Variants in DACT3 observed in about 807,000 individuals in gnomAD.
The protein encoded by DACT3 is dishevelled binding antagonist of beta catenin 3.
In DACT3, 5 loss-of-function variants were observed where a neutral mutation model predicts 19.6. The observed-to-expected ratio is 0.26, with a 90% CI of 0.13 to 0.54. The LOEUF is 0.54. Ranked by LOEUF, DACT3 falls within the 20% of genes least tolerant of loss-of-function variation. DACT3 has a pLI of 0.95. For missense variants in DACT3, 908 were observed against 927.4 expected (o/e 0.98, Z 0.27); for synonymous variants, 454 against 428.1 (o/e 1.06, Z -0.75).
intron 1 of DACT3, among the ~76,000 whole-genome samples, chr19:46,658,422 CATAA>C (rs2053048349): frequency 6.6e-6 from 1 of 152,120 alleles, no homozygotes; most frequent in African/African-American, 2.4e-5. Flanking sequence ...TTTAAAAATA[CATAA>C]ATAAACGTGA....
Position 46,648,388 on chromosome 19 carries a change from C to CGAT in DACT3, c.*91_*93dup, listed in dbSNP as rs1340281799. Reference sequence around the variant, plus strand: ...GGGGGGTCTTTGGAAGCAGAGAAAACGATGGTCTTTGGAAGGTAGATGTGG... The same window carrying CGAT: ...GGGGGGTCTTTGGAAGCAGAGAAAACGATGATGGTCTTTGGAAGGTAGATGTGG... On this transcript the variant is annotated 3_prime_UTR_variant, in exon 4 of 4. Transcript: ENST00000391916. The surrounding 1 kb of genome is among the most constrained non-coding windows in gnomAD (Gnocchi z 5.1). The CGAT allele has an allele frequency of 4.4e-6, 7 of 1,582,936 alleles. No homozygotes were observed. In the Admixed American group the frequency reaches 1.2e-4, roughly 28 times the overall value.
chr19:46,648,539 G>A lies in DACT3; in HGVS notation c.1833C>T (p.Leu611=). ...AACGGAAACGCAGTATCTTTTTCTTGAGCGCGTGGGAAGCTTTGATTTTCA... is the reference window on the plus strand; with the variant it reads ...AACGGAAACGCAGTATCTTTTTCTTAAGCGCGTGGGAAGCTTTGATTTTCA... ...VFVKIKASHA[L]KKKILRFRSG... is the part of the protein sequence containing the mutation. Residue 611 remains leucine, a synonymous_variant, in exon 4 of 4, where the codon CTC becomes CTT. Transcript: ENST00000391916. The surrounding 1 kb of genome is among the most constrained non-coding windows in gnomAD (Gnocchi z 5.1). 6.2e-7 allele frequency: 1 copy of A among 1,613,958 alleles called. No individual in the cohort carries two copies. Among genetic ancestry groups the A allele is most frequent in the Admixed American group, 1.7e-5 (1 of 60,026 alleles).
chr19:46,648,946 A>G lies in DACT3; in HGVS notation c.1426T>C (p.Trp476Arg). 1 of 1,338,864 alleles carries G rather than the reference A, an allele frequency of 7.5e-7. No homozygotes were observed. Among genetic ancestry groups the G allele is most frequent in the Admixed American group, 4.0e-5 (1 of 25,148 alleles). 82.9% of individuals were successfully genotyped at this position (1,338,864 alleles called of 1,614,324 possible). A position where few individuals can be genotyped will look rare whatever the true frequency, so the allele number is the denominator to read the frequency against. ...GCGTCGATCTCCGCAGTGGAGCGCC[A>G]GCGACGGCAGGACCCTGCGGCCTGG... ...AAQAAGSCRR[W>R]RSTAEIDAAD... The change falls in exon 4 of 4, where the codon TGG becomes CGG. Residue 476 changes from tryptophan (W) to arginine (R), a missense_variant. Physicochemically the swap from Trp to Arg is moderately radical, Grantham distance 101 (BLOSUM62 -3). This residue lies in a region of DACT3 where 656 missense variants were observed against 601.8 expected (regional missense o/e 1.09). Coordinates refer to ENST00000391916, the MANE Select transcript of DACT3 (RefSeq NM_145056.3). This position sits in a 1 kb window ranked among gnomAD's most constrained non-coding sequence, Gnocchi z 5.1.
At chr19:46,650,960 A>G (rs752531867) in intron 3 of DACT3, 1 of 152,102 alleles carries the variant, frequency 6.6e-6, no homozygotes. Context: ...CCAAACTCAA[A>G]GGGACACTTC....
rs1182955986 is a variant in DACT3 at position 46,648,922 on chromosome 19, C to A, written c.1450G>T (p.Ala484Ser). The A allele has an allele frequency of 7.4e-7, 1 of 1,358,692 alleles. No individual in the cohort carries two copies. Among genetic ancestry groups the A allele is most frequent in the Non-Finnish European group, 9.4e-7 (1 of 1,062,594 alleles). The allele number at this position is 1,358,692 out of a possible 1,614,324, so 84.2% of individuals were successfully genotyped here. Reference sequence around the variant, plus strand: ...GGCCGCACGCGGCGCCCATCGGCAGCGTCGATCTCCGCAGTGGAGCGCCAG... The same window carrying A: ...GGCCGCACGCGGCGCCCATCGGCAGAGTCGATCTCCGCAGTGGAGCGCCAG... Reference protein sequence around the residue: ...RRWRSTAEIDAADGRRVRPRA... With the variant: ...RRWRSTAEIDSADGRRVRPRA... Residue 484 changes from alanine (A) to serine (S), a missense_variant, in exon 4 of 4, where the codon GCT becomes TCT. By Grantham distance (99) the Ala-to-Ser change is moderately conservative. Coordinates refer to ENST00000391916, the MANE Select transcript of DACT3 (RefSeq NM_145056.3). This position sits in a 1 kb window ranked among gnomAD's most constrained non-coding sequence, Gnocchi z 5.1.
At chr19:46,652,888 G>T in intron 2 of DACT3, 76 bp from the exon 3 acceptor site, 1 of 1,540,380 alleles carries the variant, frequency 6.5e-7, no homozygotes, top group Non-Finnish European at 8.8e-7. Context: ...GGAGGAGATG[G>T]CGTGGGGAGA....
Position 46,649,607 on chromosome 19 carries a change from C to G in DACT3, c.765G>C (p.Ala255=). 1 of 1,130,460 alleles carries G rather than the reference C, an allele frequency of 8.8e-7. No homozygotes were observed. The highest frequency in any genetic ancestry group is 5.8e-5 in the East Asian group (1 of 17,262). 70.0% of individuals were successfully genotyped at this position (1,130,460 alleles called of 1,614,324 possible). ...CCCGGCGGCGGCGCCTGCGCAGGAG[C>G]GCCGAGATGTAGCCGTCCAGGGGCC... ...AGRPLDGYIS[A]LLRRRRRRGA... is the part of the protein sequence containing the mutation. Residue 255 remains alanine, a synonymous_variant, in exon 4 of 4, where the codon GCG becomes GCC. Coordinates refer to ENST00000391916, the MANE Select transcript of DACT3 (RefSeq NM_145056.3).
Position 46,648,116 on chromosome 19 carries a change from C to T in DACT3, c.*366G>A, listed in dbSNP as rs995258822. On this transcript the variant is annotated 3_prime_UTR_variant, in exon 4 of 4. Transcript: ENST00000391916. This position sits in a 1 kb window ranked among gnomAD's most constrained non-coding sequence, Gnocchi z 5.1. ...GGCTCATCAGGAATGAGAGGGAGAG[C>T]GGTGGAGGGGAACAAACAGACTAGG... 2.8e-5 allele frequency: 6 copies of T among 217,850 alleles called. No individual in the cohort carries two copies. The highest frequency in any genetic ancestry group is 1.3e-4 in the East Asian group (1 of 7,416). 13.5% of individuals were successfully genotyped at this position (217,850 alleles called of 1,614,324 possible).
rs2052931367 is a variant in DACT3 at position 46,647,612 on chromosome 19, T to C, written c.*870A>G. ...AATCATTCAGTGAGAGTCCACCACA[T>C]ATGTTACACTGTGCATTTATTTACA... On this transcript the variant is annotated 3_prime_UTR_variant, in exon 4 of 4. Coordinates refer to ENST00000391916, the MANE Select transcript of DACT3 (RefSeq NM_145056.3). 1 of 152,560 alleles carries C rather than the reference T, an allele frequency of 6.6e-6. No individual in the cohort carries two copies. Among genetic ancestry groups the C allele is most frequent in the Non-Finnish European group, 1.5e-5 (1 of 68,026 alleles). 9.5% of individuals were successfully genotyped at this position (152,560 alleles called of 1,614,324 possible).
At position 46,653,019 on chromosome 19, in the gene DACT3, C is replaced by T. The variant is rs1269505344; in HGVS notation, c.306G>A (p.Leu102=). The T allele has an allele frequency of 6.4e-7, 1 of 1,551,458 alleles. No homozygotes were observed. The highest frequency in any genetic ancestry group is 1.4e-5 in the African/African-American group (1 of 73,026). ...DLGQQLGDLS[L]ESGGLEQESG... is the part of the protein sequence containing the mutation. ...TCTCCTGTTCCAGGCCCCCAGACTC[C>T]AGGCTCAGGTCTCCCAGCTGCTGTC... The change falls in exon 2 of 4, where the codon CTG becomes CTA. Residue 102 remains leucine, a synonymous_variant. Transcript: ENST00000391916.
chr19:46,653,277 C>T (rs1444382834), intron 1 of DACT3, among the ~76,000 whole-genome samples: 1 of 152,152 alleles, frequency 6.6e-6, no homozygotes, highest in Non-Finnish European at 1.5e-5. Context: ...GACGTTCCAA[C>T]TCCAGTCCTT....
chr19:46,654,537 C>G (rs376653117), intron 1 of DACT3: 6 of 982,544 alleles, frequency 6.1e-6, no homozygotes, highest in Non-Finnish European at 7.2e-6. Context: ...TACCCTGGAT[C>G]CTTCTTGCTG....
intron 1 of DACT3, among the ~76,000 whole-genome samples, chr19:46,655,562 G>A (rs1034561243): frequency 4.6e-5 from 7 of 152,120 alleles, no homozygotes; most frequent in South Asian, 2.1e-4. Flanking sequence ...GCAGTGAGCC[G>A]AGATCACGCC....
Position 46,649,335 on chromosome 19 carries a change from G to A in DACT3, c.1037C>T (p.Pro346Leu), listed in dbSNP as rs2052954587. The A allele has an allele frequency of 1.6e-6, 2 of 1,242,478 alleles. No homozygotes were observed. Among genetic ancestry groups the A allele is most frequent in the African/African-American group, 1.6e-5 (1 of 62,248 alleles). 77.0% of individuals were successfully genotyped at this position (1,242,478 alleles called of 1,614,324 possible). Reference protein sequence around the residue: ...PAAPPAAPSPPDSPAEGRLVK... With the variant: ...PAAPPAAPSPLDSPAEGRLVK... ...CAAGCGGCCCTCAGCCGGGCTGTCG[G>A]GGGGTGAGGGGGCGGCGGGCGGCGC... is the stretch of plus-strand genomic sequence containing the variant. The change falls in exon 4 of 4, where the codon CCC becomes CTC. Residue 346 changes from proline to leucine, a missense_variant. Pro to Leu is a moderately conservative substitution (Grantham distance 98). Coordinates refer to ENST00000391916, the MANE Select transcript of DACT3 (RefSeq NM_145056.3).
At chr19:46,654,409 C>T (rs1233097179) in intron 1 of DACT3, 5 of 623,902 alleles carry the variant, frequency 8.0e-6, no homozygotes, top group Non-Finnish European at 1.0e-5. Flanking sequence ...TTGCTTGAGC[C>T]CAGGAGGCAG....
In DACT3 at chr19:46,656,510, C is replaced by T. The variant is rs557007135; in HGVS notation, c.250-3435G>A. ...CTACAGGCACATGCCACCACACCCC[C>T]GCTAATCTTTGTATTTTTTTGTAGA... On this transcript the variant is annotated intron_variant, in intron 1 of 3. Coordinates refer to ENST00000391916, the MANE Select transcript of DACT3 (RefSeq NM_145056.3). Among the ~76,000 whole-genome samples, 403 of 152,132 alleles carry T rather than the reference C, an allele frequency of 2.6e-3. 1 individual carries two copies. Among genetic ancestry groups the T allele is most frequent in the African/African-American group, 9.0e-3 (374 of 41,496 alleles).
intron 1 of DACT3, chr19:46,654,883 C>G (rs973513182): frequency 3.0e-6 from 3 of 985,040 alleles, no homozygotes; most frequent in Non-Finnish European, 3.6e-6. Context: ...AGAACAGAAG[C>G]CCCCATCCGG....
chr19:46,649,524 T>C lies in DACT3; in HGVS notation c.848A>G (p.Asn283Ser). The change falls in exon 4 of 4, where the codon AAC becomes AGC. Residue 283 changes from asparagine (N) to serine (S), a missense_variant. Transcript: ENST00000391916. ...GTCGGGCGGCCGCTGGCGCACGCTG[T>C]TCTGGCGCCGCGGGCCGCCGTCCGC... ...GGADGGPRRQ[N>S]SVRQRPPDAS... The C allele has an allele frequency of 9.4e-7, 1 of 1,068,204 alleles. No individual in the cohort carries two copies. Among genetic ancestry groups the C allele is most frequent in the Non-Finnish European group, 1.1e-6 (1 of 885,638 alleles). 66.2% of individuals were successfully genotyped at this position (1,068,204 alleles called of 1,614,324 possible).
Position 46,649,793 on chromosome 19 carries a change from C to T in DACT3, c.579G>A (p.Thr193=). The T allele has an allele frequency of 1.5e-6, 2 of 1,359,862 alleles. No individual in the cohort carries two copies. Among genetic ancestry groups the T allele is most frequent in the Non-Finnish European group, 1.9e-6 (2 of 1,060,268 alleles). 84.2% of individuals were successfully genotyped at this position (1,359,862 alleles called of 1,614,324 possible). ...CCTCCGGGCCGGCGGACCCCCCTGC[C>T]GTCGGGTAGGGCGCTGAGAAGGACC... ...VPRSFSAPYP[T]AGGSAGPEAC... The change falls in exon 4 of 4, where the codon ACG becomes ACA. Residue 193 remains threonine (T), a synonymous_variant. Transcript: ENST00000391916.
Sources: allele counts gnomAD v4.1 joint callset (sites outside exome capture counted in the v4.1 genomes callset), GRCh38; gene constraint gnomAD v4.1.1; regional missense constraint gnomAD v4.1.1; non-coding constraint Gnocchi (gnomAD v3.1); transcripts MANE v1.5; gene names NCBI Gene and HGNC (gene_info 2026-07-23, HGNC 2026-07-21).